Variants in IL1RAPL1 observed in about 807,000 individuals in gnomAD.
The protein encoded by IL1RAPL1 is interleukin-1 receptor accessory protein-like 1.
Under a neutral mutation model 48.4 loss-of-function variants are expected in IL1RAPL1, and 3 were observed. That is an observed-to-expected ratio of 0.06 (90% CI 0.03 to 0.16). The LOEUF is 0.16. IL1RAPL1 is among the 10% of genes least tolerant of loss of function. The pLI, the probability that IL1RAPL1 is intolerant of heterozygous loss-of-function variation, is 1.00. For missense variants in IL1RAPL1, 349 were observed against 530.6 expected (o/e 0.66, Z 3.36); for synonymous variants, 185 against 187.7 (o/e 0.99, Z 0.12).
chrX:29,661,463 A>G (rs933411904), intron 5 of IL1RAPL1, among the ~76,000 whole-genome samples: 4 of 112,362 alleles, frequency 3.6e-5, no homozygotes, highest in Non-Finnish European at 7.5e-5. Context: ...GAGATTAGCC[A>G]GAGCTTATCT....
intron 3 of IL1RAPL1, among the ~76,000 whole-genome samples, chrX:29,339,621 G>A (rs1051485876): frequency 2.7e-5 from 3 of 111,649 alleles, no homozygotes; most frequent in Non-Finnish European, 5.6e-5. Flanking sequence ...TATACCCTAC[G>A]CTTAGTTTTC....
At chrX:29,737,632 C>T (rs1481327904) in intron 6 of IL1RAPL1, among the ~76,000 whole-genome samples, 1 of 112,087 alleles carries the variant, frequency 8.9e-6, no homozygotes, top group African/African-American at 3.2e-5. Flanking sequence ...AAAAGAACTG[C>T]TGAAAAAGTC....
At chrX:29,388,106 CAAAAAAAAAA>C (rs71862742) in intron 3 of IL1RAPL1, among the ~76,000 whole-genome samples, 2 of 51,716 alleles carry the variant, frequency 3.9e-5, no homozygotes, top group African/African-American at 7.1e-5. Flanking sequence ...AAGGTTAAGC[CAAAAAAAAAA>C]AAAAAAAAAA....
Position 29,401,962 on chromosome X carries a change from T to A in IL1RAPL1, c.703+2654T>A, listed in dbSNP as rs1986178. On this transcript the variant is annotated intron_variant, in intron 5 of 10. Coordinates refer to ENST00000378993, the MANE Select transcript of IL1RAPL1 (RefSeq NM_014271.4). ...AGGCTAGAGTGCAGTGGTGCAATCT[T>A]GGCTCACTGCAACCTCTGCCTCCCA... 1.5e-4 allele frequency among the ~76,000 whole-genome samples: 16 copies of A among 108,675 alleles called. No homozygotes were observed. The East Asian group carries it at 4.6e-3, about 31-fold the overall frequency. The allele number at this position is 108,675 out of a possible 115,157, so 94.4% of individuals were successfully genotyped here. A position where few individuals can be genotyped will look rare whatever the true frequency, so the allele number is the denominator to read the frequency against.
chrX:29,769,363 A>G (rs377713251), intron 6 of IL1RAPL1, among the ~76,000 whole-genome samples: 1 of 100,980 alleles, frequency 9.9e-6, no homozygotes, highest in Non-Finnish European at 2.0e-5. Context: ...TATGTTTTCA[A>G]TGTTCTTGGT....
chrX:29,303,319 C>A (rs1289757650), intron 3 of IL1RAPL1, among the ~76,000 whole-genome samples: 4 of 111,490 alleles, frequency 3.6e-5, no homozygotes, highest in Non-Finnish European at 7.5e-5. Flanking sequence ...TAAGATTTGG[C>A]CATGCATTAA....
chrX:29,767,962 A>C (rs975858631), intron 6 of IL1RAPL1, among the ~76,000 whole-genome samples: 4 of 111,759 alleles, frequency 3.6e-5, no homozygotes, highest in Admixed American at 2.9e-4. Context: ...AATTAAAAAA[A>C]AAATCCTCCA....
intron 5 of IL1RAPL1, among the ~76,000 whole-genome samples, chrX:29,588,535 T>C (rs1350058672): frequency 8.9e-6 from 1 of 112,351 alleles, no homozygotes; most frequent in African/African-American, 3.2e-5. Flanking sequence ...CAGTGGTATG[T>C]GGATGTCATG....
chrX:29,906,910 C>CTGACTTAAGTAAAAT (rs1932644694), intron 6 of IL1RAPL1, among the ~76,000 whole-genome samples: 1 of 110,381 alleles, frequency 9.1e-6, no homozygotes, highest in African/African-American at 3.3e-5. Context: ...TTGGAACTCA[C>CTGACTTAAGTAAAAT]TGACTTAAGT....
At chrX:29,586,401 C>G (rs1178576362) in intron 5 of IL1RAPL1, among the ~76,000 whole-genome samples, 2 of 111,367 alleles carry the variant, frequency 1.8e-5, no homozygotes, top group African/African-American at 3.3e-5. Flanking sequence ...TTAGATTGGC[C>G]TATATGGCTG....
At chrX:29,344,740 C>T (rs1050556233) in intron 3 of IL1RAPL1, among the ~76,000 whole-genome samples, 6 of 111,969 alleles carry the variant, frequency 5.4e-5, no homozygotes, top group East Asian at 5.6e-4. Context: ...CTGGTTCAAG[C>T]GATTCTCCTG....
chrX:29,281,671 C>A (rs1166511486), intron 2 of IL1RAPL1, among the ~76,000 whole-genome samples: 1 of 111,663 alleles, frequency 9.0e-6, no homozygotes, highest in Non-Finnish European at 1.9e-5. Flanking sequence ...CATTTATTCT[C>A]AGTTGTATCA....
At chrX:29,232,988 A>G (rs113798330) in intron 2 of IL1RAPL1, among the ~76,000 whole-genome samples, 3,097 of 110,149 alleles carry the variant, frequency 0.028, 96 homozygotes, top group African/African-American at 0.098. Flanking sequence ...TAACAGAGAC[A>G]GGGTTTCACC....
chrX:29,158,883 C>T (rs1316607112), intron 2 of IL1RAPL1, among the ~76,000 whole-genome samples: 1 of 98,884 alleles, frequency 1.0e-5, no homozygotes, highest in Non-Finnish European at 2.0e-5. Flanking sequence ...GGATAAACAA[C>T]CTCTTTCTTT....
intron 6 of IL1RAPL1, among the ~76,000 whole-genome samples, chrX:29,680,667 C>T (rs1222426173): frequency 8.9e-6 from 1 of 111,803 alleles, no homozygotes; most frequent in Non-Finnish European, 1.9e-5. Context: ...GTTTAACATC[C>T]CTGGTTAATC....
intron 2 of IL1RAPL1, among the ~76,000 whole-genome samples, chrX:29,191,642 G>A (rs1434142572): frequency 9.0e-6 from 1 of 111,483 alleles, no homozygotes; most frequent in Non-Finnish European, 1.9e-5. Flanking sequence ...TAGAGTGTGG[G>A]GAGGGAAAAG....
chrX:28,666,006 A>G (rs1172609644), intron 1 of IL1RAPL1, among the ~76,000 whole-genome samples: 1 of 111,911 alleles, frequency 8.9e-6, no homozygotes, highest in Non-Finnish European at 1.9e-5. Flanking sequence ...ACGCAGGCCC[A>G]CACAGACCCA....
At chrX:28,924,809 T>TTAATTGAAGTTCAAAATTCAA (rs1161713040) in intron 2 of IL1RAPL1, among the ~76,000 whole-genome samples, 24 of 112,373 alleles carry the variant, frequency 2.1e-4, no homozygotes, top group African/African-American at 7.7e-4. Flanking sequence ...GTAAACTTCA[T>TTAATTGAAGTTCAAAATTCAA]TTATACTATT....
At chrX:29,450,592 C>T (rs183760936) in intron 5 of IL1RAPL1, among the ~76,000 whole-genome samples, 4 of 111,860 alleles carry the variant, frequency 3.6e-5, no homozygotes, top group Admixed American at 1.9e-4. Context: ...ATAGCTTTTA[C>T]TAGCAAGCAG....
Sources: allele counts gnomAD v4.1 joint callset (sites outside exome capture counted in the v4.1 genomes callset), GRCh38; gene constraint gnomAD v4.1.1; transcripts MANE v1.5; gene names NCBI Gene and HGNC (gene_info 2026-07-23, HGNC 2026-07-21).